The following RPS14 variants were observed in gnomAD, a reference collection of about 807,000 sequenced individuals.
RPS14 encodes the protein ribosomal protein S14, also known as small ribosomal subunit protein uS11.
RPS14 carries 1 observed loss-of-function variant against 15.4 expected under a neutral mutation model. That is an observed-to-expected ratio of 0.07 (90% CI 0.02 to 0.31). The LOEUF (loss-of-function observed/expected upper bound fraction) is 0.31. Among genes scored for constraint, RPS14 ranks in the 10% least tolerant of loss-of-function variants. RPS14 has a pLI of 1.00. For missense variants in RPS14, 69 were observed against 205.5 expected (o/e 0.34, Z 4.06); for synonymous variants, 68 against 74.4 (o/e 0.91, Z 0.44).
At chr5:150,447,098 T>G in intron 2 of RPS14, 135 bp from the exon 3 acceptor site, 2 of 983,116 alleles carry the variant, frequency 2.0e-6, no homozygotes, top group Non-Finnish European at 3.0e-6. Context: ...TGGAGTTCAG[T>G]CCAGTGGGGT....
rs935854879 is a variant in RPS14, at chr5:150,446,697, C to A, written c.311+105G>T. 9 of 1,285,068 alleles carry A rather than the reference C, an allele frequency of 7.0e-6. No individual in the cohort carries two copies. The highest frequency in any genetic ancestry group is 1.9e-4 in the Middle Eastern group (1 of 5,224). 79.6% of individuals were successfully genotyped at this position (1,285,068 alleles called of 1,614,324 possible). ...TTAAGTATGTATATGCCTAAAATAT[C>A]TTGTTCAAGGTCACAACAAAAAACC... On this transcript the variant is annotated intron_variant, in intron 3 of 4. Transcript: ENST00000407193. The surrounding 1 kb of genome is among the most constrained non-coding windows in gnomAD (Gnocchi z 4.2).
chr5:150,446,780 C>G lies in RPS14; in HGVS notation c.311+22G>C. ...GCCCAGCAGGTTTTCTACCACCCAGCCATCCCCTCTGCGACTCGTACCTAT... is the reference window on the plus strand; with the variant it reads ...GCCCAGCAGGTTTTCTACCACCCAGGCATCCCCTCTGCGACTCGTACCTAT... On this transcript the variant is annotated intron_variant, in intron 3 of 4. Coordinates refer to ENST00000407193, the MANE Select transcript of RPS14 (RefSeq NM_005617.4). This position sits in a 1 kb window ranked among gnomAD's most constrained non-coding sequence, Gnocchi z 4.2. 1.2e-6 allele frequency: 2 copies of G among 1,608,706 alleles called. No individual in the cohort carries two copies. Among genetic ancestry groups the G allele is most frequent in the South Asian group, 1.1e-5 (1 of 90,480 alleles).
In RPS14 at chr5:150,445,529, C is replaced by T. The variant is rs1308531461; in HGVS notation, c.388+80G>A. The T allele has an allele frequency of 6.7e-6, 9 of 1,348,856 alleles. No individual in the cohort carries two copies. In the East Asian group the frequency reaches 1.1e-4, roughly 17 times the overall value. The allele number at this position is 1,348,856 out of a possible 1,614,324, so 83.6% of individuals were successfully genotyped here. On this transcript the variant is annotated intron_variant, in intron 4 of 4. Coordinates refer to ENST00000407193, the MANE Select transcript of RPS14 (RefSeq NM_005617.4). ...AAAAGTGACCAGACCAGCCGCTGCACATCCACTGGGCACAGCACGTGCTTT... is the reference window on the plus strand; with the variant it reads ...AAAAGTGACCAGACCAGCCGCTGCATATCCACTGGGCACAGCACGTGCTTT...
chr5:150,444,120 T>C lies in RPS14; in HGVS notation c.*166A>G. 1 of 1,064,890 alleles carries C rather than the reference T, an allele frequency of 9.4e-7. No individual in the cohort carries two copies. Among genetic ancestry groups the C allele is most frequent in the East Asian group, 2.9e-5 (1 of 34,312 alleles). The allele number at this position is 1,064,890 out of a possible 1,614,324, so 66.0% of individuals were successfully genotyped here. A position where few individuals can be genotyped will look rare whatever the true frequency, so the allele number is the denominator to read the frequency against. On this transcript the variant is annotated 3_prime_UTR_variant, in exon 5 of 5. Coordinates refer to ENST00000407193, the MANE Select transcript of RPS14 (RefSeq NM_005617.4). ...CAAGTAGCATGGAAAAGACCCCAAA[T>C]GCAGCACCAGGATCTCAGCTCTCCT...
Position 150,444,339 on chromosome 5 carries a change from TG to T in RPS14, c.402del (p.Ile135SerfsTer51). ...MKIGRIEDVTPIPSDSTRRKG... is the reference protein window; with the variant it reads ...MKIGRIEDVTXIPSDSTRRKG... ...TTCCTGCGAGTGCTGTCAGAGGGGA[TG>T]GGGGTGACATCCTCTGTGGGGAGGA... On this transcript the variant is annotated frameshift_variant, in exon 5 of 5. Transcript: ENST00000407193. LOFTEE classifies it high-confidence loss of function. 1 of 1,610,564 alleles carries T rather than the reference TG, an allele frequency of 6.2e-7. No homozygotes were observed.
Position 150,443,780 on chromosome 5 carries a change from T to A in RPS14, c.*506A>T, listed in dbSNP as rs1771008756. The stretch of plus-strand genomic sequence containing the variant: ...GAAAATAGGACTTGGTGTGTATTTG[T>A]GGGGTGACAATCTTTATGTACTTTA... On this transcript the variant is annotated 3_prime_UTR_variant, in exon 5 of 5. Coordinates refer to ENST00000407193, the MANE Select transcript of RPS14 (RefSeq NM_005617.4). The A allele has an allele frequency of 6.6e-6, 1 of 152,218 alleles. No individual in the cohort carries two copies. Among genetic ancestry groups the A allele is most frequent in the Non-Finnish European group, 1.5e-5 (1 of 68,064 alleles). 9.4% of individuals were successfully genotyped at this position (152,218 alleles called of 1,614,324 possible).
intron 1 of RPS14, 51 bp from the exon 2 acceptor site, chr5:150,447,786 A>C: frequency 1.3e-6 from 2 of 1,586,246 alleles, no homozygotes; most frequent in Non-Finnish European, 1.7e-6. Context: ...CATTTCCAGA[A>C]TCCCTTTCCC....
intron 1 of RPS14, chr5:150,449,009 T>A (rs1427076767): frequency 1.3e-5 from 2 of 152,234 alleles, no homozygotes; most frequent in Non-Finnish European, 2.9e-5. Flanking sequence ...AGCATGAGTA[T>A]GTTTCGGCAT....
Position 150,446,468 on chromosome 5 carries a change from G to A in RPS14, c.311+334C>T, listed in dbSNP as rs1162660667. ...ACCAACTCCTTACTTGTGCTTCCTG[G>A]CATTTGTCACAAATGAAAACCACAT... On this transcript the variant is annotated intron_variant, in intron 3 of 4. Transcript: ENST00000407193. The surrounding 1 kb of genome is among the most constrained non-coding windows in gnomAD (Gnocchi z 4.2). Among the ~76,000 whole-genome samples, 1 of 152,100 alleles carries A rather than the reference G, an allele frequency of 6.6e-6. No homozygotes were observed. Among genetic ancestry groups the A allele is most frequent in the Non-Finnish European group, 1.5e-5 (1 of 68,014 alleles).
chr5:150,447,021 T>C, intron 2 of RPS14, 58 bp from the exon 3 acceptor site: 2 of 1,584,294 alleles, frequency 1.3e-6, no homozygotes, highest in Admixed American at 1.7e-5. Context: ...GCTTACGATA[T>C]CCTAATGAGT....
chr5:150,447,050 G>C (rs1771120787), intron 2 of RPS14, 87 bp from the exon 3 acceptor site: 1 of 1,496,260 alleles, frequency 6.7e-7, no homozygotes, highest in African/African-American at 1.4e-5. Context: ...ACACAGCTCA[G>C]TCATGGTGGA....
In RPS14 at chr5:150,444,352, C is replaced by T; in HGVS notation, c.390G>A (p.Glu130=). 4 of 1,609,542 alleles carry T rather than the reference C, an allele frequency of 2.5e-6. No individual in the cohort carries two copies. The highest frequency in any genetic ancestry group is 3.4e-6 in the Non-Finnish European group (4 of 1,176,838). ...ARSGMKIGRI[E]DVTPIPSDST... ...TGTCAGAGGGGATGGGGGTGACATC[C>T]TCTGTGGGGAGGAAGAGAAAGCGTC... is the stretch of plus-strand genomic sequence containing the variant. Residue 130 remains glutamate (E), a splice_region_variant and synonymous_variant, in exon 5 of 5, where the codon GAG becomes GAA. Transcript: ENST00000407193.
Position 150,447,278 on chromosome 5 carries a change from C to T in RPS14, c.149+307G>A. ...ACACAAGTCACAACTTGCTAAATGG[C>T]CGTCGAACCCGCACCCAGAGCCCAC... is the stretch of plus-strand genomic sequence containing the variant. On this transcript the variant is annotated intron_variant, in intron 2 of 4. Transcript: ENST00000407193. 4 of 522,882 alleles carry T rather than the reference C, an allele frequency of 7.6e-6. No homozygotes were observed. In the South Asian group the frequency reaches 9.8e-5, roughly 13 times the overall value. The allele number at this position is 522,882 out of a possible 1,614,324, so 32.4% of individuals were successfully genotyped here. A position where few individuals can be genotyped will look rare whatever the true frequency, so the allele number is the denominator to read the frequency against.
At position 150,447,906 on chromosome 5, in the gene RPS14, CTTGGGGGGG is replaced by C. The variant is rs1294298063; in HGVS notation, c.-2-180_-2-172del. The C allele has an allele frequency of 5.7e-6, 4 of 698,044 alleles. No homozygotes were observed. The East Asian group carries it at 8.1e-5, about 14-fold the overall frequency. 43.2% of individuals were successfully genotyped at this position (698,044 alleles called of 1,614,324 possible). On this transcript the variant is annotated intron_variant, in intron 1 of 4. Coordinates refer to ENST00000407193, the MANE Select transcript of RPS14 (RefSeq NM_005617.4). ...TCACTAAAACTTCTTTCTCCTTGCA[CTTGGGGGGG>C]TATCAACTGTGGCCACATGGCAAAG...
chr5:150,445,805 C>A, intron 3 of RPS14, 120 bp from the exon 4 acceptor site: 1 of 769,148 alleles, frequency 1.3e-6, no homozygotes, highest in South Asian at 1.6e-5. Flanking sequence ...AAGAGCCAGA[C>A]AGGGCTGTAC....
rs1278553211 is a variant in RPS14, at chr5:150,446,326, C to A, written c.311+476G>T. ...CCTTCACAGGTGCCCAGGTTCACCCCCACCTCAAGACCTTTCCCTGCAGTT... is the reference window on the plus strand; with the variant it reads ...CCTTCACAGGTGCCCAGGTTCACCCACACCTCAAGACCTTTCCCTGCAGTT... On this transcript the variant is annotated intron_variant, in intron 3 of 4. Coordinates refer to ENST00000407193, the MANE Select transcript of RPS14 (RefSeq NM_005617.4). This position sits in a 1 kb window ranked among gnomAD's most constrained non-coding sequence, Gnocchi z 4.2. Among the ~76,000 whole-genome samples, 1 of 152,154 alleles carries A rather than the reference C, an allele frequency of 6.6e-6. No individual in the cohort carries two copies. Among genetic ancestry groups the A allele is most frequent in the Non-Finnish European group, 1.5e-5 (1 of 68,036 alleles).
In RPS14 at chr5:150,449,725, A is replaced by C. The variant is rs1291271543; in HGVS notation, c.-25T>G. On this transcript the variant is annotated 5_prime_UTR_variant, in exon 1 of 5. Coordinates refer to ENST00000407193, the MANE Select transcript of RPS14 (RefSeq NM_005617.4). Reference sequence around the variant, plus strand: ...TACCTGCACGTCGTCTCCAGACTCCACACCGGAAAGAGAGAGTGGGAGGGG... The same window carrying C: ...TACCTGCACGTCGTCTCCAGACTCCCCACCGGAAAGAGAGAGTGGGAGGGG... 6.6e-6 allele frequency: 1 copy of C among 152,004 alleles called. No homozygotes were observed. Among genetic ancestry groups the C allele is most frequent in the Non-Finnish European group, 1.5e-5 (1 of 68,100 alleles). The allele number at this position is 152,004 out of a possible 1,614,324, so 9.4% of individuals were successfully genotyped here. A position where few individuals can be genotyped will look rare whatever the true frequency, so the allele number is the denominator to read the frequency against.
chr5:150,447,454 G>A, intron 2 of RPS14, 131 bp downstream of exon 2: 1 of 903,418 alleles, frequency 1.1e-6, no homozygotes, highest in South Asian at 1.5e-5. Context: ...TGGGCTAAAT[G>A]GACAAGCACA....
Position 150,445,613 on chromosome 5 carries a change from C to T in RPS14, c.384G>A (p.Arg128=). 6.2e-7 allele frequency: 1 copy of T among 1,613,224 alleles called. No individual in the cohort carries two copies. Among genetic ancestry groups the T allele is most frequent in the Non-Finnish European group, 8.5e-7 (1 of 1,179,646 alleles). ...TAGCTAGAGGGGGGCACTTACCAATCCGCCCGATCTTCATACCCGAGCGGG... is the reference window on the plus strand; with the variant it reads ...TAGCTAGAGGGGGGCACTTACCAATTCGCCCGATCTTCATACCCGAGCGGG... ...ALARSGMKIG[R]IEDVTPIPSD... Residue 128 remains arginine (R), a synonymous_variant, in exon 4 of 5, where the codon CGG becomes CGA. Transcript: ENST00000407193.
Sources: allele counts gnomAD v4.1 joint callset (sites outside exome capture counted in the v4.1 genomes callset), GRCh38; gene constraint gnomAD v4.1.1; non-coding constraint Gnocchi (gnomAD v3.1); transcripts MANE v1.5; gene names NCBI Gene and HGNC (gene_info 2026-07-23, HGNC 2026-07-21).